Variants in CCDC192 observed in about 807,000 individuals in gnomAD.
The protein encoded by CCDC192 is coiled-coil domain-containing protein 192.
At chr5:127,782,739 AT>A (rs1756308438) in intron 3 of CCDC192, among the ~76,000 whole-genome samples, 1 of 151,654 alleles carries the variant, frequency 6.6e-6, no homozygotes, top group Non-Finnish European at 1.5e-5. Context: ...TATCAATTTT[AT>A]TTATCTTTTC....
intron 6 of CCDC192, among the ~76,000 whole-genome samples, chr5:127,911,412 C>T (rs1007408924): frequency 6.6e-6 from 1 of 152,178 alleles, no homozygotes; most frequent in Non-Finnish European, 1.5e-5. Context: ...CCTCATGGCT[C>T]TGGAGACATT....
chr5:127,746,984 A>T lies in CCDC192; in HGVS notation c.115-7284A>T, dbSNP rs1897574. Among the ~76,000 whole-genome samples, 1,293 of 152,212 alleles carry T rather than the reference A, an allele frequency of 8.5e-3. 10 individuals carry two copies. The highest frequency in any genetic ancestry group is 0.01 in the Non-Finnish European group (703 of 68,004). Reference sequence around the variant, plus strand: ...TATTGTATCATCAGGAAATGCACACATGTAAAATCAGTGGTCTCATAAGCC... The same window carrying T: ...TATTGTATCATCAGGAAATGCACACTTGTAAAATCAGTGGTCTCATAAGCC... On this transcript the variant is annotated intron_variant, in intron 2 of 6. Coordinates refer to ENST00000514853, the MANE Select transcript of CCDC192 (RefSeq NM_001317938.2).
At chr5:127,921,205 AAG>A (rs976202750) in intron 6 of CCDC192, among the ~76,000 whole-genome samples, 3 of 151,476 alleles carry the variant, frequency 2.0e-5, no homozygotes, top group Non-Finnish European at 4.4e-5. Context: ...GAGAGAAAGA[AAG>A]AGAGTAGTGG....
chr5:127,814,645 A>G (rs936756481), intron 5 of CCDC192, among the ~76,000 whole-genome samples: 11 of 152,226 alleles, frequency 7.2e-5, no homozygotes, highest in African/African-American at 2.7e-4. Context: ...AGATCTTTCT[A>G]TGACTTCTCC....
intron 3 of CCDC192, chr5:127,786,830 T>C (rs757845195): frequency 1.9e-6 from 1 of 535,312 alleles, no homozygotes; most frequent in Non-Finnish European, 3.5e-6. Context: ...TCTGCCCCTT[T>C]TTTGATGTAG....
At chr5:127,883,926 C>T in intron 6 of CCDC192, among the ~76,000 whole-genome samples, 1 of 152,156 alleles carries the variant, frequency 6.6e-6, no homozygotes, top group East Asian at 1.9e-4. Flanking sequence ...GCTTTCTAGA[C>T]TCCTCCGATG....
At chr5:127,869,593 T>A (rs1487288506) in intron 5 of CCDC192, among the ~76,000 whole-genome samples, 1 of 152,214 alleles carries the variant, frequency 6.6e-6, no homozygotes, top group East Asian at 1.9e-4. Flanking sequence ...AATTTGAAGT[T>A]TCTCTTAAAT....
At chr5:127,788,476 A>G (rs186033949) in intron 3 of CCDC192, among the ~76,000 whole-genome samples, 3 of 152,302 alleles carry the variant, frequency 2.0e-5, no homozygotes, top group East Asian at 3.9e-4. Context: ...TTATTCTGCT[A>G]GTTTCTGTCT....
intron 3 of CCDC192, among the ~76,000 whole-genome samples, chr5:127,788,596 A>G (rs1756695108): frequency 6.6e-6 from 1 of 152,052 alleles, no homozygotes; most frequent in Non-Finnish European, 1.5e-5. Flanking sequence ...TTTATTCCTC[A>G]ATTCCTCCAA....
At chr5:127,814,736 C>G (rs1758280039) in intron 5 of CCDC192, among the ~76,000 whole-genome samples, 1 of 152,120 alleles carries the variant, frequency 6.6e-6, no homozygotes, top group Admixed American at 6.6e-5. Flanking sequence ...GAATGACTTT[C>G]CAGCAAAGCA....
intron 2 of CCDC192, chr5:127,740,161 T>C (rs1009202176): frequency 2.6e-5 from 4 of 152,300 alleles, no homozygotes; most frequent in African/African-American, 7.2e-5. Flanking sequence ...AGAGGTCAAG[T>C]TGAATGAGGT....
At chr5:127,781,533 G>A (rs1243372467) in intron 3 of CCDC192, among the ~76,000 whole-genome samples, 2 of 149,930 alleles carry the variant, frequency 1.3e-5, no homozygotes, top group Admixed American at 6.6e-5. Flanking sequence ...TTTTCCTTGT[G>A]CACGTCTTTC....
At chr5:127,918,216 TAAA>T (rs1219307107) in intron 6 of CCDC192, among the ~76,000 whole-genome samples, 3 of 100,386 alleles carry the variant, frequency 3.0e-5, no homozygotes, top group African/African-American at 9.0e-5. Flanking sequence ...CTTCAATTTG[TAAA>T]AAAAAAAAAA....
At chr5:127,931,528 A>C (rs1451381439) in intron 6 of CCDC192, among the ~76,000 whole-genome samples, 1 of 152,198 alleles carries the variant, frequency 6.6e-6, no homozygotes, top group Non-Finnish European at 1.5e-5. Context: ...CCTTGTCAAG[A>C]ATAGGCTTGC....
At chr5:127,784,661 A>G (rs1756434084) in intron 3 of CCDC192, 6 of 733,424 alleles carry the variant, frequency 8.2e-6, no homozygotes, top group South Asian at 6.8e-5. Context: ...ACTTGCTCCA[A>G]ATATTCTTTC....
At chr5:127,765,757 G>C (rs527665565) in intron 3 of CCDC192, among the ~76,000 whole-genome samples, 2 of 152,188 alleles carry the variant, frequency 1.3e-5, no homozygotes, top group South Asian at 2.1e-4. Flanking sequence ...TCAGTGGCTG[G>C]TAATTGTAAC....
At chr5:127,758,165 A>C (rs1420932887) in intron 3 of CCDC192, among the ~76,000 whole-genome samples, 1 of 152,202 alleles carries the variant, frequency 6.6e-6, no homozygotes, top group Non-Finnish European at 1.5e-5. Flanking sequence ...GATTTAACTC[A>C]GAATGGAAAG....
intron 5 of CCDC192, among the ~76,000 whole-genome samples, chr5:127,846,145 CAGT>C (rs1322291894): frequency 6.6e-6 from 1 of 151,844 alleles, no homozygotes; most frequent in Non-Finnish European, 1.5e-5. Flanking sequence ...AAAAATTAGC[CAGT>C]GGTGGTGGTG....
At chr5:127,827,662 C>T (rs928032743) in intron 5 of CCDC192, among the ~76,000 whole-genome samples, 4 of 152,162 alleles carry the variant, frequency 2.6e-5, no homozygotes, top group African/African-American at 7.2e-5. Flanking sequence ...CAGCAGTTCT[C>T]CCCTGCCCAG....
Sources: allele counts gnomAD v4.1 joint callset (sites outside exome capture counted in the v4.1 genomes callset), GRCh38; gene constraint gnomAD v4.1.1; transcripts MANE v1.5; gene names NCBI Gene and HGNC (gene_info 2026-07-23, HGNC 2026-07-21).